ZNF780B: variants seen among roughly 807,000 people sequenced by gnomAD.
ZNF780B encodes the protein zinc finger protein 780B, also known as zinc finger protein 779.
ZNF780B carries 52 observed loss-of-function variants against 74.1 expected under a neutral mutation model. That is an observed-to-expected ratio of 0.70 (90% CI 0.56 to 0.88). ZNF780B has a LOEUF of 0.88. Ranked by LOEUF, ZNF780B falls within the 40% of genes least tolerant of loss-of-function variation. The pLI is 0.00. For missense variants in ZNF780B, 953 were observed against 1,007.6 expected (o/e 0.95, Z 0.73); for synonymous variants, 315 against 324.3 (o/e 0.97, Z 0.31).
chr19:40,036,072 T>C lies in ZNF780B; in HGVS notation c.787A>G (p.Asn263Asp). 4 of 1,613,416 alleles carry C rather than the reference T, an allele frequency of 2.5e-6. No homozygotes were observed. The highest frequency in any genetic ancestry group is 3.4e-6 in the Non-Finnish European group (4 of 1,179,652). ...ECGKSFNRSS[N>D]LTQHQSIHAG... ...TGAATACTTTGATGCTGAGTAAGGT[T>C]TGAGCTACGATTAAAAGACTTCCCA... Residue 263 changes from asparagine (N) to aspartate (D), a missense_variant, in exon 5 of 5, where the codon AAC becomes GAC. Coordinates refer to ENST00000434248, the MANE Select transcript of ZNF780B (RefSeq NM_001005851.3).
chr19:40,030,957 A>T lies in ZNF780B; in HGVS notation c.*3400T>A, dbSNP rs1971979573. 6.6e-6 allele frequency: 1 copy of T among 152,250 alleles called. No individual in the cohort carries two copies. Among genetic ancestry groups the T allele is most frequent in the Non-Finnish European group, 1.5e-5 (1 of 68,040 alleles). The allele number at this position is 152,250 out of a possible 1,614,324, so 9.4% of individuals were successfully genotyped here. A position where few individuals can be genotyped will look rare whatever the true frequency, so the allele number is the denominator to read the frequency against. The stretch of plus-strand genomic sequence containing the variant: ...CTTGTTTTATAAGTTGTATAACATC[A>T]TTGCAATATCAATACCTGAAAAATA... On this transcript the variant is annotated 3_prime_UTR_variant, in exon 5 of 5. Transcript: ENST00000434248.
intron 4 of ZNF780B, among the ~76,000 whole-genome samples, chr19:40,045,889 G>A (rs1273932851): frequency 6.6e-6 from 1 of 152,180 alleles, no homozygotes; most frequent in Non-Finnish European, 1.5e-5. Context: ...TCTAGAGGCT[G>A]AGGCAGGAGA....
In ZNF780B at chr19:40,036,212, G is replaced by A; in HGVS notation, c.647C>T (p.Thr216Ile). 1.2e-6 allele frequency: 2 copies of A among 1,611,818 alleles called. No homozygotes were observed. The highest frequency in any genetic ancestry group is 1.7e-6 in the Non-Finnish European group (2 of 1,179,386). Reference protein sequence around the residue: ...IQLTRHQKFHTGEKTFECKEC... With the variant: ...IQLTRHQKFHIGEKTFECKEC... ...CTTACATTCAAAAGTTTTCTCACCA[G>A]TATGAAATTTCTGATGTCGAGTAAG... The change falls in exon 5 of 5, where the codon ACT becomes ATT. Residue 216 changes from threonine to isoleucine, a missense_variant. By Grantham distance (89) the Thr-to-Ile change is moderately conservative. Coordinates refer to ENST00000434248, the MANE Select transcript of ZNF780B (RefSeq NM_001005851.3).
At chr19:40,053,280 C>T (rs186557434) in intron 1 of ZNF780B, among the ~76,000 whole-genome samples, 35 of 152,160 alleles carry the variant, frequency 2.3e-4, no homozygotes, top group Middle Eastern at 6.8e-3. Context: ...TCTCAAAAGA[C>T]GACATATAAA....
intron 2 of ZNF780B, among the ~76,000 whole-genome samples, chr19:40,049,970 G>A (rs1008901739): frequency 3.9e-5 from 6 of 152,184 alleles, no homozygotes; most frequent in East Asian, 1.9e-4. Flanking sequence ...GGCCAAGGCA[G>A]GGGGATCATG....
intron 4 of ZNF780B, among the ~76,000 whole-genome samples, chr19:40,045,306 G>T (rs1175591478): frequency 6.6e-6 from 1 of 152,076 alleles, no homozygotes; most frequent in East Asian, 1.9e-4. Context: ...AATTAACAAA[G>T]AAACATTGGG....
At position 40,034,563 on chromosome 19, in the gene ZNF780B, A is replaced by T. The variant is rs1474667240; in HGVS notation, c.2296T>A (p.Ser766Thr). ...ATACTCTGAGGTTGAACAAGGTTTG[A>T]GCCACGATTAAAGGCCTTCCCACAC... ...KECGKAFNRGSNLVQPQSIHT... is the reference protein window; with the variant it reads ...KECGKAFNRGTNLVQPQSIHT... The change falls in exon 5 of 5, where the codon TCA becomes ACA. Residue 766 changes from serine (S) to threonine (T), a missense_variant. Coordinates refer to ENST00000434248, the MANE Select transcript of ZNF780B (RefSeq NM_001005851.3). 11 of 1,613,752 alleles carry T rather than the reference A, an allele frequency of 6.8e-6. No homozygotes were observed. Among genetic ancestry groups the T allele is most frequent in the Non-Finnish European group, 8.5e-6 (10 of 1,179,948 alleles).
chr19:40,038,114 T>C (rs1041925781), intron 4 of ZNF780B, among the ~76,000 whole-genome samples: 1 of 152,028 alleles, frequency 6.6e-6, no homozygotes, highest in African/African-American at 2.4e-5. Context: ...CCTTCCTGTG[T>C]CCATATGTTC....
chr19:40,044,550 AT>A (rs1972842817), intron 4 of ZNF780B, among the ~76,000 whole-genome samples: 3 of 152,222 alleles, frequency 2.0e-5, no homozygotes. Context: ...TGAAAAAGAA[AT>A]AGTCTTTCCC....
At chr19:40,055,480 T>C (rs1341065115) in intron 1 of ZNF780B, 1 of 152,136 alleles carries the variant, frequency 6.6e-6, no homozygotes, top group Admixed American at 6.5e-5. Flanking sequence ...TGGATAATAA[T>C]ACGACTGGAG....
chr19:40,045,098 C>A (rs1159161932), intron 4 of ZNF780B, among the ~76,000 whole-genome samples: 2 of 151,932 alleles, frequency 1.3e-5, no homozygotes, highest in African/African-American at 4.8e-5. Flanking sequence ...CAAAAAGAGA[C>A]AAAGAAGGTC....
chr19:40,050,366 C>G lies in ZNF780B; in HGVS notation c.-34G>C. The G allele has an allele frequency of 1.3e-6, 2 of 1,587,756 alleles. No homozygotes were observed. The highest frequency in any genetic ancestry group is 1.7e-6 in the Non-Finnish European group (2 of 1,173,058). On this transcript the variant is annotated 5_prime_UTR_variant, in exon 2 of 5. Coordinates refer to ENST00000434248, the MANE Select transcript of ZNF780B (RefSeq NM_001005851.3). ...AATTACAAAATTGGTCAATCTTCCT[C>G]GGGCTTCTCCCCTGGAAAACAACAA...
In ZNF780B at chr19:40,035,810, C is replaced by G. The variant is rs149290763; in HGVS notation, c.1049G>C (p.Arg350Pro). Reference sequence around the variant, plus strand: ...CTCACCCATATGAATCTTCTGATGTCGAACAAGCTTTGTCAGAAGAGTAAA... The same window carrying G: ...CTCACCCATATGAATCTTCTGATGTGGAACAAGCTTTGTCAGAAGAGTAAA... ...KAFTLLTKLV[R>P]HQKIHMGEKP... Residue 350 changes from arginine (R) to proline (P), a missense_variant, in exon 5 of 5, where the codon CGA (arginine) becomes CCA (proline). Physicochemically the swap from Arg to Pro is moderately radical, Grantham distance 103 (BLOSUM62 -2). Transcript: ENST00000434248. The G allele has an allele frequency of 1.3e-5, 21 of 1,614,036 alleles. No homozygotes were observed. The highest frequency in any genetic ancestry group is 6.7e-5 in the Admixed American group (4 of 59,982).
In ZNF780B at chr19:40,035,039, T is replaced by C. The variant is rs1972188196; in HGVS notation, c.1820A>G (p.His607Arg). The change falls in exon 5 of 5, where the codon CAT becomes CGT. Residue 607 changes from histidine (H) to arginine (R), a missense_variant. His to Arg is a conservative substitution (Grantham distance 29). Coordinates refer to ENST00000434248, the MANE Select transcript of ZNF780B (RefSeq NM_001005851.3). The stretch of plus-strand genomic sequence containing the variant: ...ACATTCAAAGGGCTTCTCACCAGTA[T>C]GAAATTTCTGATGTCGAATAAGGTG... ...HMHLIRHQKF[H>R]TGEKPFECKE... The C allele has an allele frequency of 6.2e-7, 1 of 1,614,100 alleles. No individual in the cohort carries two copies. Among genetic ancestry groups the C allele is most frequent in the Admixed American group, 1.7e-5 (1 of 60,008 alleles).
At chr19:40,051,111 G>T (rs1300932329) in intron 1 of ZNF780B, among the ~76,000 whole-genome samples, 6 of 152,122 alleles carry the variant, frequency 3.9e-5, no homozygotes, top group Admixed American at 3.9e-4. Flanking sequence ...TGCTAACAGT[G>T]CTTATCTCTG....
intron 4 of ZNF780B, 24 bp downstream of exon 4, chr19:40,047,351 C>G: frequency 6.3e-7 from 1 of 1,584,112 alleles, no homozygotes; most frequent in Admixed American, 1.7e-5. Context: ...ATGGCTTCCC[C>G]CTGCCTGCTT....
At chr19:40,049,486 C>T (rs1973109195) in intron 2 of ZNF780B, among the ~76,000 whole-genome samples, 1 of 152,130 alleles carries the variant, frequency 6.6e-6, no homozygotes. Context: ...ACCTACCACT[C>T]ATGCCCTGAA....
rs537918261 is a variant in ZNF780B, at chr19:40,050,383, A to AAAC, written c.-45-9_-45-7dup. On this transcript the variant is annotated splice_region_variant and splice_polypyrimidine_tract_variant and intron_variant, in intron 1 of 4. Transcript: ENST00000434248. Reference sequence around the variant, plus strand: ...ATCTTCCTCGGGCTTCTCCCCTGGAAAACAACAACAACAAAAAGGCCCTAA... The same window carrying AAAC: ...ATCTTCCTCGGGCTTCTCCCCTGGAAAACAACAACAACAACAAAAAGGCCCTAA... 1.4e-5 allele frequency: 22 copies of AAAC among 1,576,624 alleles called. No individual in the cohort carries two copies. The East Asian group carries it at 4.7e-4, about 34-fold the overall frequency.
Position 40,033,997 on chromosome 19 carries a change from C to G in ZNF780B, c.*360G>C, listed in dbSNP as rs1972109804. The G allele has an allele frequency of 7.0e-6, 2 of 285,156 alleles. No homozygotes were observed. The highest frequency in any genetic ancestry group is 8.5e-5 in the South Asian group (2 of 23,398). The allele number at this position is 285,156 out of a possible 1,614,324, so 17.7% of individuals were successfully genotyped here. A position where few individuals can be genotyped will look rare whatever the true frequency, so the allele number is the denominator to read the frequency against. ...AGACTAAGCTAAATCCAAAAGTTTT[C>G]CACATTCTTTACACTCACAGGGTTT... On this transcript the variant is annotated 3_prime_UTR_variant, in exon 5 of 5. Transcript: ENST00000434248.
Sources: gnomAD v4.1 joint callset for allele counts (sites outside exome capture counted in the v4.1 genomes callset) on GRCh38, gnomAD v4.1.1 for gene constraint, MANE v1.5 for transcripts, NCBI Gene and HGNC (gene_info 2026-07-23, HGNC 2026-07-21) for gene names.